The following PCNX2 variants were observed in gnomAD, a reference collection of about 807,000 sequenced individuals.
PCNX2 encodes pecanex 2, also known as pecanex-like protein 2.
PCNX2 carries 168 observed loss-of-function variants against 223.8 expected under a neutral mutation model. That is an observed-to-expected ratio of 0.75 (90% CI 0.66 to 0.85). The LOEUF (loss-of-function observed/expected upper bound fraction) is 0.85. Ranked by LOEUF, PCNX2 falls within the 40% of genes least tolerant of loss-of-function variation. PCNX2 has a pLI of 0.00. For missense variants in PCNX2, 2,507 were observed against 2,675.5 expected, an observed-to-expected ratio of 0.94 and a Z score of 1.39; for synonymous variants, 1,006 against 1,052.6, an observed-to-expected ratio of 0.96 and a Z score of 0.86.
At chr1:233,213,303 A>G (rs1454534298) in intron 12 of PCNX2, among the ~76,000 whole-genome samples, 2 of 152,174 alleles carry the variant, frequency 1.3e-5, no homozygotes, top group Admixed American at 1.3e-4. Context: ...GCCTACAGAG[A>G]CAAGACGGCT....
intron 19 of PCNX2, among the ~76,000 whole-genome samples, chr1:233,142,866 A>G (rs2477858): frequency 0.56 from 85,706 of 151,792 alleles, 26,057 homozygotes; most frequent in African/African-American, 0.79. Context: ...CACCATCCCC[A>G]GCTTGTGCTC....
rs532368911 is a variant in PCNX2 at position 233,139,527 on chromosome 1, C to T, written c.3659+187G>A. 6.6e-6 allele frequency among the ~76,000 whole-genome samples: 1 copy of T among 152,180 alleles called. No homozygotes were observed. The highest frequency in any genetic ancestry group is 1.5e-5 in the Non-Finnish European group (1 of 68,038). On this transcript the variant is annotated intron_variant, in intron 20 of 33. Coordinates refer to ENST00000258229, the MANE Select transcript of PCNX2 (RefSeq NM_014801.4). The surrounding 1 kb of genome is among the most constrained non-coding windows in gnomAD (Gnocchi z 4.4). ...TCAAGCAGATCTAACTTCATTTGCA[C>T]CCCAGTCATTCTACAATAACTGTCT... is the stretch of plus-strand genomic sequence containing the variant.
intron 9 of PCNX2, chr1:233,231,810 T>C: frequency 6.4e-6 from 2 of 313,648 alleles, no homozygotes; most frequent in Non-Finnish European, 9.3e-6. Flanking sequence ...CCAAGGAGGA[T>C]GTGAGCATTG....
chr1:233,006,734 A>C (rs537653332), intron 28 of PCNX2, among the ~76,000 whole-genome samples: 1 of 152,206 alleles, frequency 6.6e-6, no homozygotes, highest in Non-Finnish European at 1.5e-5. Flanking sequence ...AGGCCTGTAC[A>C]TACTATGTTA....
chr1:233,271,091 T>C (rs1219715801), intron 1 of PCNX2, among the ~76,000 whole-genome samples: 3 of 152,210 alleles, frequency 2.0e-5, no homozygotes, highest in Non-Finnish European at 4.4e-5. Context: ...ATAATACTTA[T>C]ATTTTTAATG....
chr1:233,122,526 T>C (rs527878729), intron 21 of PCNX2, among the ~76,000 whole-genome samples: 149 of 99,868 alleles, frequency 1.5e-3, no homozygotes, highest in Non-Finnish European at 2.4e-3. Context: ...ATATTATATA[T>C]CTTTTTTTTT....
In PCNX2 at chr1:232,990,379, G is replaced by A. The variant is rs1454016353; in HGVS notation, c.5792-3839C>T. 3.3e-5 allele frequency among the ~76,000 whole-genome samples: 5 copies of A among 152,174 alleles called. No individual in the cohort carries two copies. The highest frequency in any genetic ancestry group is 7.4e-5 in the Non-Finnish European group (5 of 68,024). ...CGCAGTCAGTGCTAGAGAGCCTTCT[G>A]GATAGTTGAATCACATCTTGGAGGG... On this transcript the variant is annotated intron_variant, in intron 32 of 33. Transcript: ENST00000258229. The surrounding 1 kb of genome is among the most constrained non-coding windows in gnomAD (Gnocchi z 4.3).
chr1:233,079,296 G>A (rs112010598), intron 23 of PCNX2, among the ~76,000 whole-genome samples: 10,178 of 152,034 alleles, frequency 0.067, 557 homozygotes, highest in African/African-American at 0.14. Context: ...AGGCCGAGGC[G>A]AGCAGATCAC....
At chr1:233,083,783 AG>A (rs1673472151) in intron 23 of PCNX2, among the ~76,000 whole-genome samples, 1 of 152,298 alleles carries the variant, frequency 6.6e-6, no homozygotes, top group Admixed American at 6.5e-5. Flanking sequence ...CGGTGCCTGA[AG>A]GGAAAAATAA....
intron 22 of PCNX2, among the ~76,000 whole-genome samples, chr1:233,094,894 G>A (rs1442703225): frequency 6.6e-6 from 1 of 152,152 alleles, no homozygotes; most frequent in African/African-American, 2.4e-5. Flanking sequence ...AAAAGTATGA[G>A]TTGGGTCCAG....
intron 21 of PCNX2, among the ~76,000 whole-genome samples, chr1:233,122,831 T>C (rs182694644): frequency 3.9e-4 from 59 of 152,132 alleles, no homozygotes; most frequent in Non-Finnish European, 5.9e-4. Context: ...CCATAAATCT[T>C]TGATATAATG....
At chr1:233,316,697 C>G in the PCNX2 span, among the ~76,000 whole-genome samples, 1 of 152,058 alleles carries the variant, frequency 6.6e-6, no homozygotes, top group Non-Finnish European at 1.5e-5. Context: ...CTTGCCAAAC[C>G]CCTCCTGTCC....
intron 32 of PCNX2, among the ~76,000 whole-genome samples, chr1:232,992,509 T>C (rs756280882): frequency 1.7e-4 from 26 of 152,142 alleles, no homozygotes; most frequent in South Asian, 4.1e-4. Context: ...CTTGTTTCCA[T>C]CAACTCATTC....
At chr1:233,310,822 G>A in the PCNX2 span, among the ~76,000 whole-genome samples, 1 of 152,170 alleles carries the variant, frequency 6.6e-6, no homozygotes, top group Non-Finnish European at 1.5e-5. Flanking sequence ...AAGGCAAAGG[G>A]GAGCTGGTGT....
intron 1 of PCNX2, chr1:233,291,756 T>G (rs1393058634): frequency 1.0e-6 from 1 of 971,512 alleles, no homozygotes; most frequent in Non-Finnish European, 1.2e-6. Flanking sequence ...AATTATCATC[T>G]CAAAAGAATA....
intron 9 of PCNX2, among the ~76,000 whole-genome samples, chr1:233,228,765 A>G (rs944201870): frequency 6.6e-6 from 1 of 152,242 alleles, no homozygotes; most frequent in Non-Finnish European, 1.5e-5. Flanking sequence ...TGCTGCTAGG[A>G]GCACAGGTGT....
intron 32 of PCNX2, among the ~76,000 whole-genome samples, chr1:232,997,159 C>T (rs1465874549): frequency 6.6e-6 from 1 of 152,182 alleles, no homozygotes; most frequent in Non-Finnish European, 1.5e-5. Context: ...CCCAAACCCT[C>T]TTTGGAAAAA....
chr1:233,197,905 T>C (rs1163218551), intron 15 of PCNX2, among the ~76,000 whole-genome samples: 3 of 152,252 alleles, frequency 2.0e-5, no homozygotes, highest in African/African-American at 7.2e-5. Context: ...TTACATTTAA[T>C]TTTTGTTTTA....
intron 1 of PCNX2, among the ~76,000 whole-genome samples, chr1:233,278,173 G>A (rs1301675629): frequency 2.0e-5 from 3 of 150,036 alleles, no homozygotes; most frequent in Non-Finnish European, 4.5e-5. Flanking sequence ...TACCTGACAC[G>A]CAGTCAACAC....
Sources: allele counts gnomAD v4.1 joint callset (sites outside exome capture counted in the v4.1 genomes callset), GRCh38; gene constraint gnomAD v4.1.1; non-coding constraint Gnocchi (gnomAD v3.1); transcripts MANE v1.5; gene names NCBI Gene and HGNC (gene_info 2026-07-23, HGNC 2026-07-21).